DLC1: variants seen among roughly 807,000 people sequenced by gnomAD.
DLC1 encodes the protein DLC1 Rho GTPase activating protein, also known as rho GTPase-activating protein 7.
DLC1 carries 54 observed loss-of-function variants against 140.3 expected under a neutral mutation model. The ratio of observed to expected loss-of-function variants is 0.38; its 90% CI spans 0.31 to 0.48. The LOEUF is 0.48. Among genes scored for constraint, DLC1 ranks in the 20% least tolerant of loss-of-function variants. DLC1 has a pLI of 0.96. For missense variants in DLC1, 2,536 were observed against 1,907.0 expected, an observed-to-expected ratio of 1.33 and a Z score of -6.14; for synonymous variants, 986 against 728.1, an observed-to-expected ratio of 1.35 and a Z score of -5.70.
At chr8:13,359,765 A>G (rs971761331) in intron 4 of DLC1, among the ~76,000 whole-genome samples, 1 of 152,258 alleles carries the variant, frequency 6.6e-6, no homozygotes, top group Non-Finnish European at 1.5e-5. Flanking sequence ...AATAGGAACC[A>G]TACTATGATT....
chr8:13,358,962 G>A (rs1158143186), intron 4 of DLC1, among the ~76,000 whole-genome samples: 1 of 149,180 alleles, frequency 6.7e-6, no homozygotes, highest in Admixed American at 6.7e-5. Context: ...TCTTTGAGGT[G>A]GAGTCTTGCT....
chr8:13,387,360 C>G (rs1296927908), intron 4 of DLC1, among the ~76,000 whole-genome samples: 4 of 151,974 alleles, frequency 2.6e-5, no homozygotes, highest in African/African-American at 7.2e-5. Context: ...AAAAATTCAT[C>G]TGATAACCAT....
chr8:13,548,024 T>C (rs1383736126), intron 1 of DLC1, among the ~76,000 whole-genome samples: 1 of 152,084 alleles, frequency 6.6e-6, no homozygotes, highest in Non-Finnish European at 1.5e-5. Flanking sequence ...ACTTAAAATA[T>C]TGTAATTATC....
chr8:13,580,916 G>T (rs1423069591), intron 1 of DLC1, among the ~76,000 whole-genome samples: 1 of 152,130 alleles, frequency 6.6e-6, no homozygotes, highest in African/African-American at 2.4e-5. Context: ...ATGGGTGAGG[G>T]CTCCCCAGCA....
At chr8:13,522,113 G>A (rs9325658) in intron 1 of DLC1, among the ~76,000 whole-genome samples, 1 of 152,030 alleles carries the variant, frequency 6.6e-6, no homozygotes, top group East Asian at 1.9e-4. Context: ...ACTTCCACCC[G>A]CTCCAAAAGG....
intron 5 of DLC1, among the ~76,000 whole-genome samples, chr8:13,188,243 A>G (rs1200740091): frequency 6.6e-6 from 1 of 151,544 alleles, no homozygotes; most frequent in East Asian, 2.0e-4. Context: ...CACCATGCCC[A>G]GCTAATTTTT....
chr8:13,545,818 C>G (rs1053563664), intron 1 of DLC1, among the ~76,000 whole-genome samples: 1 of 152,018 alleles, frequency 6.6e-6, no homozygotes, highest in Non-Finnish European at 1.5e-5. Context: ...ATTATTATAT[C>G]ATTATGGATA....
At chr8:13,222,870 A>G (rs555961619) in intron 5 of DLC1, among the ~76,000 whole-genome samples, 61 of 152,226 alleles carry the variant, frequency 4.0e-4, no homozygotes, top group African/African-American at 1.4e-3. Context: ...CAGCCTCCCC[A>G]GTCGCTGGGA....
intron 1 of DLC1, among the ~76,000 whole-genome samples, chr8:13,599,973 C>T (rs1487595608): frequency 1.3e-5 from 2 of 151,932 alleles, no homozygotes; most frequent in Admixed American, 1.3e-4. Context: ...TCTTCACCAC[C>T]TTCACCATTA....
At chr8:13,352,756 G>T (rs1586189541) in intron 4 of DLC1, among the ~76,000 whole-genome samples, 3 of 152,052 alleles carry the variant, frequency 2.0e-5, no homozygotes, top group African/African-American at 7.2e-5. Flanking sequence ...CTGTTTTTTT[G>T]GAGAGGAAGA....
At chr8:13,411,740 G>C (rs1483972001) in intron 2 of DLC1, among the ~76,000 whole-genome samples, 13 of 152,092 alleles carry the variant, frequency 8.5e-5, no homozygotes, top group Admixed American at 8.5e-4. Flanking sequence ...AATGGAAAGA[G>C]ACTAGAAAAT....
chr8:13,320,718 G>A (rs1833067831), intron 4 of DLC1, among the ~76,000 whole-genome samples: 1 of 152,124 alleles, frequency 6.6e-6, no homozygotes, highest in Non-Finnish European at 1.5e-5. Context: ...AGAACGGGTT[G>A]TTGAAAAGAA....
chr8:13,169,040 C>G (rs1341861539), intron 5 of DLC1, among the ~76,000 whole-genome samples: 1 of 152,194 alleles, frequency 6.6e-6, no homozygotes, highest in African/African-American at 2.4e-5. Flanking sequence ...GTTTATTATT[C>G]AGCCATAAAT....
In DLC1 at chr8:13,389,297, A is replaced by T. The variant is rs569695526; in HGVS notation, c.1314+4256T>A. Among the ~76,000 whole-genome samples the T allele has an allele frequency of 2.6e-5, 4 of 152,246 alleles. No homozygotes were observed. The South Asian group carries it at 8.3e-4, about 32-fold the overall frequency. On this transcript the variant is annotated intron_variant, in intron 4 of 17. Coordinates refer to ENST00000276297, the MANE Select transcript of DLC1 (RefSeq NM_182643.3). ...CAGCTTTAAAACCTTTCGTGAAACAATCCTATATTAATACCAGGAACAACT... is the reference window on the plus strand; with the variant it reads ...CAGCTTTAAAACCTTTCGTGAAACATTCCTATATTAATACCAGGAACAACT...
chr8:13,135,989 A>T (rs1822536709), intron 5 of DLC1, among the ~76,000 whole-genome samples: 1 of 152,110 alleles, frequency 6.6e-6, no homozygotes, highest in African/African-American at 2.4e-5. Flanking sequence ...CCTGAATCTC[A>T]TCTTCTTTCA....
At chr8:13,353,346 A>G (rs1173834434) in intron 4 of DLC1, 3 of 152,170 alleles carry the variant, frequency 2.0e-5, no homozygotes, top group Admixed American at 6.5e-5. Flanking sequence ...TTGAATTCCT[A>G]TAATATCTGT....
intron 1 of DLC1, among the ~76,000 whole-genome samples, chr8:13,599,712 G>T (rs375936075): frequency 6.6e-5 from 10 of 151,898 alleles, no homozygotes; most frequent in African/African-American, 2.2e-4. Flanking sequence ...ATATTGTAAT[G>T]ATGTCAACTC....
chr8:13,209,003 AAAG>A (rs1300279815), intron 5 of DLC1, among the ~76,000 whole-genome samples: 5 of 152,202 alleles, frequency 3.3e-5, no homozygotes, highest in African/African-American at 1.2e-4. Context: ...GACAAATGTT[AAAG>A]AAGATGAAAA....
intron 5 of DLC1, among the ~76,000 whole-genome samples, chr8:13,172,235 A>C (rs1393598825): frequency 6.6e-6 from 1 of 152,176 alleles, no homozygotes; most frequent in Admixed American, 6.5e-5. Context: ...CAAATACTTC[A>C]GTACTATATT....
Sources: allele counts gnomAD v4.1 joint callset (sites outside exome capture counted in the v4.1 genomes callset), GRCh38; gene constraint gnomAD v4.1.1; transcripts MANE v1.5; gene names NCBI Gene and HGNC (gene_info 2026-07-23, HGNC 2026-07-21).